SPIDR: variants seen among roughly 807,000 people sequenced by gnomAD.
SPIDR encodes the protein DNA repair-scaffolding protein.
A neutral mutation model predicts 104.6 loss-of-function variants in SPIDR; 93 were observed. That is an observed-to-expected ratio of 0.89 (90% CI 0.75 to 1.06). The LOEUF is 1.06. Among genes scored for constraint, SPIDR ranks in the 50% least tolerant of loss-of-function variants. The pLI is 0.00. For synonymous variants in SPIDR, 431 were observed against 416.9 expected (o/e 1.03, Z -0.41); for missense variants, 1,154 against 1,111.2 (o/e 1.04, Z -0.55).
chr8:47,400,832 A>C (rs1157887692), intron 6 of SPIDR, among the ~76,000 whole-genome samples: 4 of 151,718 alleles, frequency 2.6e-5, no homozygotes, highest in Non-Finnish European at 5.9e-5. Context: ...TGCTTATTAT[A>C]TCTTGAAAAG....
chr8:47,348,768 G>A (rs782055339), intron 5 of SPIDR, among the ~76,000 whole-genome samples: 6 of 152,156 alleles, frequency 3.9e-5, no homozygotes, highest in African/African-American at 7.2e-5. Context: ...CATGCGTCAC[G>A]TAGTTCTCGT....
chr8:47,424,973 C>CT (rs1375538979), intron 7 of SPIDR, among the ~76,000 whole-genome samples: 1 of 152,148 alleles, frequency 6.6e-6, no homozygotes, highest in African/African-American at 2.4e-5. Flanking sequence ...CTTGCCCAGA[C>CT]TTTAACTGCC....
At chr8:47,731,043 AG>A (rs1213288005) in intron 19 of SPIDR, among the ~76,000 whole-genome samples, 1 of 152,046 alleles carries the variant, frequency 6.6e-6, no homozygotes, top group Non-Finnish European at 1.5e-5. Context: ...GGATCACCTG[AG>A]GTCAGGAGTT....
intron 5 of SPIDR, among the ~76,000 whole-genome samples, chr8:47,300,658 T>C (rs1296096579): frequency 1.3e-5 from 2 of 152,186 alleles, no homozygotes; most frequent in South Asian, 4.1e-4. Flanking sequence ...TCTTTGTTCT[T>C]GTTGGTTTCC....
intron 14 of SPIDR, among the ~76,000 whole-genome samples, chr8:47,707,734 T>C (rs1277499903): frequency 6.6e-6 from 1 of 152,222 alleles, no homozygotes; most frequent in Non-Finnish European, 1.5e-5. Flanking sequence ...TTTTACACTT[T>C]ACCTTCCAAG....
At chr8:47,408,178 A>G (rs898558691) in intron 7 of SPIDR, among the ~76,000 whole-genome samples, 2 of 152,190 alleles carry the variant, frequency 1.3e-5, no homozygotes, top group Non-Finnish European at 2.9e-5. Flanking sequence ...ACATCACCAC[A>G]ATCTGTGCTA....
intron 9 of SPIDR, among the ~76,000 whole-genome samples, chr8:47,598,222 G>T (rs1002146502): frequency 6.6e-6 from 1 of 152,190 alleles, no homozygotes; most frequent in Non-Finnish European, 1.5e-5. Flanking sequence ...ATGGTTAAAC[G>T]TGTGAACTTT....
intron 5 of SPIDR, among the ~76,000 whole-genome samples, chr8:47,339,208 C>T (rs1391982297): frequency 2.6e-5 from 4 of 152,242 alleles, no homozygotes; most frequent in East Asian, 3.9e-4. Context: ...CGATTTTCTG[C>T]CTTTTTTAGA....
chr8:47,577,984 G>A (rs1432395785), intron 8 of SPIDR, among the ~76,000 whole-genome samples: 4 of 152,196 alleles, frequency 2.6e-5, no homozygotes, highest in Admixed American at 2.6e-4. Flanking sequence ...GGGAAGAGTA[G>A]TGCTGGCAAG....
At chr8:47,676,529 T>TC (rs1351374519) in intron 11 of SPIDR, among the ~76,000 whole-genome samples, 2 of 149,872 alleles carry the variant, frequency 1.3e-5, no homozygotes, top group African/African-American at 4.8e-5. Context: ...TTTTTTTTTT[T>TC]CCAAATTATT....
intron 8 of SPIDR, among the ~76,000 whole-genome samples, chr8:47,569,196 A>G (rs746128800): frequency 6.6e-6 from 1 of 152,226 alleles, no homozygotes; most frequent in Non-Finnish European, 1.5e-5. Flanking sequence ...TATATTAATT[A>G]AAAGGTTCAA....
chr8:47,472,140 A>G (rs56391539), intron 8 of SPIDR, among the ~76,000 whole-genome samples: 7,474 of 152,284 alleles, frequency 0.049, 218 homozygotes, highest in Middle Eastern at 0.065. Context: ...TCTCCCTGAA[A>G]GTAGTAAATG....
At chr8:47,649,727 A>C (rs1057275236) in intron 10 of SPIDR, among the ~76,000 whole-genome samples, 4 of 152,236 alleles carry the variant, frequency 2.6e-5, no homozygotes, top group Non-Finnish European at 5.9e-5. Context: ...TTCAGGGGAA[A>C]AAAACATGAT....
chr8:47,533,966 A>G lies in SPIDR; in HGVS notation c.1098-61845A>G, dbSNP rs558207377. 2.8e-3 allele frequency among the ~76,000 whole-genome samples: 420 copies of G among 152,306 alleles called. 1 individual carries two copies. Among genetic ancestry groups the G allele is most frequent in the African/African-American group, 9.9e-3 (410 of 41,574 alleles). On this transcript the variant is annotated intron_variant, in intron 8 of 19. Transcript: ENST00000297423. ...CCACCCAAATCTCACCTTGAATTGT[A>G]ATAATCCCCACGTGTCAAGGGCGGG...
chr8:47,544,065 G>A (rs2088784584), intron 8 of SPIDR, among the ~76,000 whole-genome samples: 1 of 152,036 alleles, frequency 6.6e-6, no homozygotes, highest in Admixed American at 6.6e-5. Context: ...GTTTTTTAGG[G>A]TTTCTCTGTG....
chr8:47,597,566 A>G (rs1564433519), intron 9 of SPIDR, among the ~76,000 whole-genome samples: 1 of 152,250 alleles, frequency 6.6e-6, no homozygotes, highest in Non-Finnish European at 1.5e-5. Context: ...ATCATTATAC[A>G]GTGCATGCTG....
intron 7 of SPIDR, among the ~76,000 whole-genome samples, chr8:47,436,930 G>A (rs569059260): frequency 3.9e-5 from 6 of 152,200 alleles, no homozygotes; most frequent in South Asian, 2.1e-4. Flanking sequence ...CCATGGGAGC[G>A]CCGCTCAGTA....
chr8:47,293,016 G>A (rs940531939), intron 4 of SPIDR, among the ~76,000 whole-genome samples: 18 of 152,148 alleles, frequency 1.2e-4, no homozygotes, highest in African/African-American at 4.3e-4. Flanking sequence ...AATCTCTAAT[G>A]TGTTCCCCTG....
At chr8:47,464,625 C>T (rs1466592657) in intron 8 of SPIDR, among the ~76,000 whole-genome samples, 1 of 152,138 alleles carries the variant, frequency 6.6e-6, no homozygotes, top group Non-Finnish European at 1.5e-5. Context: ...CCTCTGGAAT[C>T]CCAGGAGGCA....
Sources: gnomAD v4.1 joint callset for allele counts (sites outside exome capture counted in the v4.1 genomes callset) on GRCh38, gnomAD v4.1.1 for gene constraint, MANE v1.5 for transcripts, NCBI Gene and HGNC (gene_info 2026-07-23, HGNC 2026-07-21) for gene names.